PI4KA: variants seen among roughly 807,000 people sequenced by gnomAD.
The protein encoded by PI4KA is PI4-kinase alpha.
PI4KA carries 122 observed loss-of-function variants against 271.4 expected under a neutral mutation model. The ratio of observed to expected loss-of-function variants is 0.45; its 90% confidence interval spans 0.39 to 0.52. The LOEUF is 0.52. Ranked by LOEUF, PI4KA falls within the 20% of genes least tolerant of loss-of-function variation. PI4KA has a pLI of 0.00. For synonymous variants in PI4KA, 1,041 were observed against 1,078.8 expected (o/e 0.96, Z 0.69); for missense variants, 1,969 against 2,769.1 (o/e 0.71, Z 6.48).
intron 7 of PI4KA, among the ~76,000 whole-genome samples, 158 bp from the exon 8 acceptor site, chr22:20,813,664 G>A (rs1390214961): frequency 6.6e-6 from 1 of 152,182 alleles, no homozygotes; most frequent in Non-Finnish European, 1.5e-5. Context: ...AGGGTAGATT[G>A]CAAATCCTTG....
chr22:20,817,129 G>C (rs182271893), intron 7 of PI4KA, among the ~76,000 whole-genome samples: 114 of 152,220 alleles, frequency 7.5e-4, no homozygotes, highest in African/African-American at 2.6e-3. Context: ...CATTCTCACA[G>C]ATCTAAGAGA....
intron 32 of PI4KA, 73 bp downstream of exon 32, chr22:20,742,155 C>G (rs1355618058): frequency 1.3e-6 from 2 of 1,500,124 alleles, no homozygotes; most frequent in African/African-American, 1.4e-5. Flanking sequence ...TTGGTGGTGG[C>G]GGCACCAGGG....
intron 13 of PI4KA, 80 bp from the exon 14 acceptor site, chr22:20,802,185 T>C (rs978468992): frequency 2.3e-6 from 3 of 1,289,648 alleles, no homozygotes; most frequent in Non-Finnish European, 3.3e-6. Context: ...AAAACCAAGA[T>C]AATATGCTGA....
At chr22:20,854,638 G>C (rs1927369875) in intron 1 of PI4KA, among the ~76,000 whole-genome samples, 1 of 152,076 alleles carries the variant, frequency 6.6e-6, no homozygotes. Flanking sequence ...GTGAGGTCTG[G>C]TTCTGCAAAC....
intron 3 of PI4KA, 104 bp downstream of exon 3, chr22:20,834,458 G>T: frequency 1.3e-6 from 1 of 757,860 alleles, no homozygotes. Context: ...CCAGGAGGGA[G>T]ACAAGATGCA....
intron 4 of PI4KA, among the ~76,000 whole-genome samples, 180 bp downstream of exon 4, chr22:20,824,146 C>T (rs1174896055): frequency 6.6e-6 from 1 of 151,470 alleles, no homozygotes; most frequent in African/African-American, 2.4e-5. Context: ...AGATAAGACT[C>T]GAGATCCTAA....
At chr22:20,739,865 C>T (rs1320175475) in intron 32 of PI4KA, among the ~76,000 whole-genome samples, 3 of 151,946 alleles carry the variant, frequency 2.0e-5, no homozygotes, top group African/African-American at 7.2e-5. Context: ...GAGTCCAAGA[C>T]CAGCCTGGCC....
At position 20,820,111 on chromosome 22, in the gene PI4KA, T is replaced by C. The variant is rs165665; in HGVS notation, c.530-211A>G. On this transcript the variant is annotated intron_variant, in intron 5 of 54. Coordinates refer to ENST00000255882, the MANE Select transcript of PI4KA (RefSeq NM_058004.4). ...TAACAACTTCAGACTATGACTTCAATACACCCAGCTGCCCTGCTTGGAAGG... is the reference window on the plus strand; with the variant it reads ...TAACAACTTCAGACTATGACTTCAACACACCCAGCTGCCCTGCTTGGAAGG... Among the ~76,000 whole-genome samples, 75,616 of 152,074 alleles carry C rather than the reference T, an allele frequency of 0.5. 19,382 individuals are homozygous for C. Among genetic ancestry groups the C allele is most frequent in the African/African-American group, 0.6 (24,983 of 41,484 alleles).
chr22:20,714,660 G>A lies in PI4KA; in HGVS notation c.5358C>T (p.Asp1786=). The change falls in exon 46 of 55, where the codon GAC becomes GAT. Residue 1786 remains aspartate (D), a synonymous_variant. Coordinates refer to ENST00000255882, the MANE Select transcript of PI4KA (RefSeq NM_058004.4). Reference sequence around the variant, plus strand: ...TCGGGGTCCCAGACTTGTAGTCGATGTCCAGCACAATGGCCTCAGGGTTGC... The same window carrying A: ...TCGGGGTCCCAGACTTGTAGTCGATATCCAGCACAATGGCCTCAGGGTTGC... The part of the protein sequence containing the change: ...LPSNPEAIVL[D]IDYKSGTPMQ... 6.2e-7 allele frequency: 1 copy of A among 1,614,000 alleles called. No homozygotes were observed. Among genetic ancestry groups the A allele is most frequent in the Middle Eastern group, 1.7e-4 (1 of 6,054 alleles).
Position 20,769,305 on chromosome 22 carries a change from G to A in PI4KA, c.2329-3612C>T, listed in dbSNP as rs192770367. On this transcript the variant is annotated intron_variant, in intron 19 of 54. Transcript: ENST00000255882. ...GTTCTCCCTGCTCTCTGACTTCTCCGAGCCTGCTGGCCACTGTCTTGGCTG... is the reference window on the plus strand; with the variant it reads ...GTTCTCCCTGCTCTCTGACTTCTCCAAGCCTGCTGGCCACTGTCTTGGCTG... Among the ~76,000 whole-genome samples the A allele has an allele frequency of 1.5e-3, 225 of 152,218 alleles. 1 individual carries two copies. The highest frequency in any genetic ancestry group is 0.014 in the Middle Eastern group (4 of 294).
In PI4KA at chr22:20,803,246, G is replaced by A; in HGVS notation, c.1536C>T (p.Val512=). 6.2e-7 allele frequency: 1 copy of A among 1,614,096 alleles called. No homozygotes were observed. The highest frequency in any genetic ancestry group is 1.3e-5 in the African/African-American group (1 of 75,038). Residue 512 remains valine, a synonymous_variant, in exon 13 of 55, where the codon GTC becomes GTT. Transcript: ENST00000255882. ...GCTTCACCAGAACTGGGGACGGGATGACCAGGAAGTCTCGCAAGGACGGTG... is the reference window on the plus strand; with the variant it reads ...GCTTCACCAGAACTGGGGACGGGATAACCAGGAAGTCTCGCAAGGACGGTG... ...SVTPSLRDFL[V]IPSPVLVKLY...
At chr22:20,794,816 C>A (rs1479994013) in intron 18 of PI4KA, among the ~76,000 whole-genome samples, 1 of 152,220 alleles carries the variant, frequency 6.6e-6, no homozygotes, top group African/African-American at 2.4e-5. Context: ...TGAACCAAAT[C>A]CAACCCAACA....
At chr22:20,800,262 A>C (rs1490438861) in intron 14 of PI4KA, among the ~76,000 whole-genome samples, 2 of 152,210 alleles carry the variant, frequency 1.3e-5, no homozygotes, top group Non-Finnish European at 2.9e-5. Flanking sequence ...TTTGGAAAAC[A>C]GTTTGAGTCT....
intron 19 of PI4KA, chr22:20,784,129 C>T (rs767023398): frequency 1.1e-5 from 17 of 1,614,146 alleles, no homozygotes; most frequent in South Asian, 6.6e-5. Context: ...AGCTGGAATA[C>T]GTGGGGGGCA....
chr22:20,751,488 T>G (rs1930684790), intron 26 of PI4KA, 112 bp from the exon 27 acceptor site: 2 of 1,025,488 alleles, frequency 2.0e-6, no homozygotes, highest in Admixed American at 4.1e-5. Flanking sequence ...GCCTCCATAC[T>G]TGATGCAACT....
intron 5 of PI4KA, 80 bp from the exon 6 acceptor site, chr22:20,819,980 G>C (rs1418680566): frequency 1.6e-6 from 2 of 1,263,382 alleles, no homozygotes; most frequent in Non-Finnish European, 2.2e-6. Flanking sequence ...TTGTAACATT[G>C]ACTAAGATTT....
rs765012656 is a variant in PI4KA, at chr22:20,718,693, T to C, written c.5246A>G (p.Lys1749Arg). 26 of 1,613,182 alleles carry C rather than the reference T, an allele frequency of 1.6e-5. No individual in the cohort carries two copies. Among genetic ancestry groups the C allele is most frequent in the Admixed American group, 3.3e-5 (2 of 60,000 alleles). Residue 1749 changes from lysine (K) to arginine (R), a missense_variant and splice_region_variant, in exon 44 of 55, where the codon AAG becomes AGG. Transcript: ENST00000255882. ...GTGGTTTCTGAAGCACTGCACTTACTTGATGATAGCCGACACGTTGGTGAT... is the reference window on the plus strand; with the variant it reads ...GTGGTTTCTGAAGCACTGCACTTACCTGATGATAGCCGACACGTTGGTGAT... ...NKITNVSAII[K>R]PYPKGDERKK...
intron 19 of PI4KA, among the ~76,000 whole-genome samples, chr22:20,778,480 G>T (rs1278087285): frequency 1.3e-5 from 2 of 151,966 alleles, no homozygotes; most frequent in East Asian, 3.9e-4. Flanking sequence ...CTCCAGCCTG[G>T]GTGACAGAGT....
chr22:20,795,106 T>A (rs948401364), intron 18 of PI4KA, among the ~76,000 whole-genome samples: 4 of 152,192 alleles, frequency 2.6e-5, no homozygotes, highest in Non-Finnish European at 4.4e-5. Context: ...AGAGATATGG[T>A]TGTGGGATAC....
Sources: allele counts gnomAD v4.1 joint callset (sites outside exome capture counted in the v4.1 genomes callset), GRCh38; gene constraint gnomAD v4.1.1; transcripts MANE v1.5; gene names NCBI Gene and HGNC (gene_info 2026-07-23, HGNC 2026-07-21).